Variants in CHD1L observed in about 807,000 individuals in gnomAD.
The protein encoded by CHD1L is ATP-dependent chromatin remodeler CHD1L.
Under a neutral mutation model 115.9 loss-of-function variants are expected in CHD1L, and 118 were observed. The ratio of observed to expected loss-of-function variants is 1.02; its 90% CI spans 0.88 to 1.19. The LOEUF (loss-of-function observed/expected upper bound fraction) is 1.19. Among genes scored for constraint, CHD1L ranks in the 50% most tolerant of loss-of-function variants. The pLI is 0.00. For synonymous variants in CHD1L, 411 were observed against 387.1 expected, an observed-to-expected ratio of 1.06 and a Z score of -0.72; for missense variants, 1,179 against 1,065.3, an observed-to-expected ratio of 1.11 and a Z score of -1.49.
chr1:147,195,466 T>A, the CHD1L span, among the ~76,000 whole-genome samples: 1 of 152,072 alleles, frequency 6.6e-6, no homozygotes, highest in African/African-American at 2.4e-5. Flanking sequence ...ATGCCTAAAG[T>A]CCTGTGGAAG....
At chr1:147,249,098 C>T (rs1307522247) in intron 1 of CHD1L, among the ~76,000 whole-genome samples, 1 of 152,120 alleles carries the variant, frequency 6.6e-6, no homozygotes, top group East Asian at 1.9e-4. Context: ...TTTAGCCATT[C>T]TTTGAGGGTA....
intron 10 of CHD1L, 84 bp downstream of exon 10, chr1:147,268,962 C>A: frequency 2.0e-6 from 2 of 979,256 alleles, no homozygotes; most frequent in Non-Finnish European, 2.9e-6. Context: ...TTGTTCAGGC[C>A]AATTCCAGTT....
the CHD1L span, among the ~76,000 whole-genome samples, chr1:147,229,921 G>C: frequency 6.6e-6 from 1 of 151,168 alleles, no homozygotes; most frequent in Admixed American, 6.6e-5. Flanking sequence ...TGAGACAATG[G>C]GGTTTTCTAG....
chr1:147,186,922 G>T, the CHD1L span: 1 of 1,613,802 alleles, frequency 6.2e-7, no homozygotes, highest in Non-Finnish European at 8.5e-7. Context: ...TATAATTATA[G>T]CAAAGAAGGC....
At chr1:147,266,546 A>G (rs947372372) in intron 8 of CHD1L, among the ~76,000 whole-genome samples, 1 of 152,224 alleles carries the variant, frequency 6.6e-6, no homozygotes, top group Non-Finnish European at 1.5e-5. Context: ...TGTTCCACCC[A>G]GGACATGAAT....
chr1:147,179,482 C>A, the CHD1L span: 1 of 1,574,766 alleles, frequency 6.4e-7, no homozygotes, highest in Non-Finnish European at 8.7e-7. Flanking sequence ...TACTTCTCTC[C>A]AGCCAACAAG....
At chr1:147,180,160 G>C in the CHD1L span, among the ~76,000 whole-genome samples, 1 of 152,024 alleles carries the variant, frequency 6.6e-6, no homozygotes, top group Non-Finnish European at 1.5e-5. Context: ...AATAACTAAA[G>C]TAATAAAAAT....
intron 15 of CHD1L, among the ~76,000 whole-genome samples, chr1:147,283,004 G>C (rs587743985): frequency 6.6e-6 from 1 of 152,326 alleles, no homozygotes; most frequent in African/African-American, 2.4e-5. Flanking sequence ...TGATTACAAA[G>C]AATATAAGTG....
chr1:147,228,071 C>T, the CHD1L span, among the ~76,000 whole-genome samples: 1 of 151,254 alleles, frequency 6.6e-6, no homozygotes, highest in Admixed American at 6.6e-5. Context: ...AGGTTAGTTA[C>T]ATATGCATAC....
chr1:147,187,328 A>G, the CHD1L span: 1 of 938,638 alleles, frequency 1.1e-6, no homozygotes. Flanking sequence ...AGTGCCTGCT[A>G]TTGGCTCAAT....
rs143313938 is a variant in CHD1L at position 147,252,749 on chromosome 1, C to T, written c.240+14C>T. ...AAGACCTGCCAGGTGTGTTACTATGCGACGAGTACTGCTCACCGCCACTGC... is the reference window on the plus strand; with the variant it reads ...AAGACCTGCCAGGTGTGTTACTATGTGACGAGTACTGCTCACCGCCACTGC... On this transcript the variant is annotated intron_variant, in intron 2 of 22. Coordinates refer to ENST00000369258, the MANE Select transcript of CHD1L (RefSeq NM_004284.6). 88 of 1,574,398 alleles carry T rather than the reference C, an allele frequency of 5.6e-5. No individual in the cohort carries two copies. The highest frequency in any genetic ancestry group is 1.7e-4 in the Middle Eastern group (1 of 5,998).
the CHD1L span, chr1:147,184,490 T>G: frequency 6.6e-7 from 1 of 1,524,796 alleles, no homozygotes; most frequent in East Asian, 2.5e-5. This position sits in a 1 kb window ranked among gnomAD's most constrained non-coding sequence, Gnocchi z 4.4. Context: ...TACATTTAGA[T>G]GTTATGTCTC....
chr1:147,273,025 C>A (rs180845828), intron 12 of CHD1L, among the ~76,000 whole-genome samples: 2,109 of 151,930 alleles, frequency 0.014, 23 homozygotes, highest in Non-Finnish European at 0.02. Context: ...CATGGTGAAA[C>A]CCCGTCTCTA....
chr1:147,293,128 C>T (rs1449965631), intron 20 of CHD1L, among the ~76,000 whole-genome samples: 1 of 142,324 alleles, frequency 7.0e-6, no homozygotes, highest in East Asian at 2.0e-4. Flanking sequence ...TGACACTCTC[C>T]AGCTCGCCCA....
intron 19 of CHD1L, among the ~76,000 whole-genome samples, chr1:147,290,390 T>A (rs1485881546): frequency 6.6e-6 from 1 of 151,928 alleles, no homozygotes; most frequent in Non-Finnish European, 1.5e-5. Context: ...CAGCCTGAGG[T>A]TTTTAAGGAG....
upstream of CHD1L, among the ~76,000 whole-genome samples, chr1:147,241,092 G>A (rs1033753492): frequency 1.1e-4 from 17 of 151,840 alleles, no homozygotes; most frequent in Admixed American, 9.8e-4. Flanking sequence ...TTTATTGCTT[G>A]TCTCCTCCTT....
At chr1:147,268,733 C>G in intron 9 of CHD1L, 49 bp from the exon 10 acceptor site, 1 of 1,425,110 alleles carries the variant, frequency 7.0e-7, no homozygotes, top group South Asian at 1.2e-5. Context: ...CTACTGGCTT[C>G]TGCCCTTACT....
rs782199063 is a variant in CHD1L at position 147,293,645 on chromosome 1, A to G, written c.2429A>G (p.Asn810Ser). 224 of 1,614,034 alleles carry G rather than the reference A, an allele frequency of 1.4e-4. No individual in the cohort carries two copies. The highest frequency in any genetic ancestry group is 1.8e-4 in the Non-Finnish European group (212 of 1,180,036). Residue 810 changes from asparagine (N) to serine (S), a missense_variant, in exon 21 of 23, where the codon AAT (asparagine) becomes AGT (serine). Physicochemically the swap from Asn to Ser is conservative, Grantham distance 46 (BLOSUM62 1). Transcript: ENST00000369258. ...LIVAQHRDRS[N>S]VLSGIKMAAL... ...GTGGCTCAGCATCGTGATCGTTCCA[A>G]TGTCCTGTCTGGCATTAAGATGGCA...
chr1:147,178,908 T>C, the CHD1L span: 2 of 1,576,132 alleles, frequency 1.3e-6, no homozygotes, highest in African/African-American at 2.7e-5. Context: ...TTGCTTACTA[T>C]GATGTGGACT....
Sources: allele counts gnomAD v4.1 joint callset (sites outside exome capture counted in the v4.1 genomes callset), GRCh38; gene constraint gnomAD v4.1.1; non-coding constraint Gnocchi (gnomAD v3.1); transcripts MANE v1.5; gene names NCBI Gene and HGNC (gene_info 2026-07-23, HGNC 2026-07-21).